GBF1: variants seen among roughly 807,000 people sequenced by gnomAD.
GBF1 encodes golgi brefeldin A resistant guanine nucleotide exchange factor 1, also known as Golgi-specific brefeldin A-resistance guanine nucleotide exchange factor 1.
A neutral mutation model predicts 210.5 loss-of-function variants in GBF1; 114 were observed. The ratio of observed to expected loss-of-function variants is 0.54; its 90% CI spans 0.47 to 0.63. GBF1 has a LOEUF of 0.63. GBF1 is among the 30% of genes least tolerant of loss of function. The pLI, the probability that GBF1 is intolerant of heterozygous loss-of-function variation, is 0.00. For missense variants in GBF1, 1,851 were observed against 2,357.7 expected (o/e 0.79, Z 4.45); for synonymous variants, 850 against 889.2 (o/e 0.96, Z 0.78).
At chr10:102,372,260 T>A (rs942944729) in intron 29 of GBF1, among the ~76,000 whole-genome samples, 25 of 150,940 alleles carry the variant, frequency 1.7e-4, no homozygotes, top group African/African-American at 5.9e-4. Context: ...CTCACGTCTG[T>A]AATCCCAACA....
chr10:102,380,335 C>T lies in GBF1; in HGVS notation c.4965C>T (p.Tyr1655=). Residue 1655 remains tyrosine, a synonymous_variant, in exon 37 of 40, where the codon TAC becomes TAT. Coordinates refer to ENST00000369983, the MANE Select transcript of GBF1 (RefSeq NM_001377137.1). ...CCATCTTGGACTTCATGGACAAGTA[C>T]ATGCACGCAGGCTCCAGCGACTTAC... The part of the protein sequence containing the change: ...WLTILDFMDK[Y]MHAGSSDLLS... 1 of 1,613,410 alleles carries T rather than the reference C, an allele frequency of 6.2e-7. No individual in the cohort carries two copies. The highest frequency in any genetic ancestry group is 8.5e-7 in the Non-Finnish European group (1 of 1,179,412).
chr10:102,301,976 T>C (rs1290674792), intron 3 of GBF1, among the ~76,000 whole-genome samples: 2 of 152,000 alleles, frequency 1.3e-5, no homozygotes, highest in Non-Finnish European at 1.5e-5. Flanking sequence ...CTGGGCAACA[T>C]TGAGCATTGA....
rs777552871 is a variant in GBF1, at chr10:102,362,571, G to C, written c.1783G>C (p.Ala595Pro). 1.2e-6 allele frequency: 2 copies of C among 1,614,094 alleles called. No individual in the cohort carries two copies. Among genetic ancestry groups the C allele is most frequent in the South Asian group, 1.1e-5 (1 of 91,082 alleles). ...TGACAGCACCGAGGCCCACTGCCAG[G>C]CTAAAGTCCTCAACAGCCTCACCCA... is the stretch of plus-strand genomic sequence containing the variant. Reference protein sequence around the residue: ...VIDSTEAHCQAKVLNSLTQQE... With the variant: ...VIDSTEAHCQPKVLNSLTQQE... The change falls in exon 15 of 40, where the codon GCT becomes CCT. Residue 595 changes from alanine to proline, a missense_variant. Coordinates refer to ENST00000369983, the MANE Select transcript of GBF1 (RefSeq NM_001377137.1).
chr10:102,233,466 G>T, the GBF1 span, among the ~76,000 whole-genome samples: 1 of 151,828 alleles, frequency 6.6e-6, no homozygotes, highest in Non-Finnish European at 1.5e-5. Context: ...CCCACGCCTG[G>T]CTAATTTTTG....
intron 30 of GBF1, 76 bp downstream of exon 30, chr10:102,375,660 C>T: frequency 1.1e-6 from 1 of 923,274 alleles, no homozygotes; most frequent in East Asian, 2.6e-5. Flanking sequence ...GAAAACAAAA[C>T]ACAGGTTACT....
rs867006242 is a variant in GBF1 at position 102,358,608 on chromosome 10, C to T, written c.890C>T (p.Ser297Phe). 2.5e-6 allele frequency: 4 copies of T among 1,613,380 alleles called. No individual in the cohort carries two copies. Among genetic ancestry groups the T allele is most frequent in the Admixed American group, 1.7e-5 (1 of 60,008 alleles). Residue 297 changes from serine to phenylalanine, a missense_variant, in exon 10 of 40, where the codon TCC becomes TTC. This residue lies in a region of GBF1 where 804 missense variants were observed against 958.6 expected (regional missense o/e 0.84). Transcript: ENST00000369983. ...SPSTDSGLEFSSQTTSKEDLT... is the reference protein window; with the variant it reads ...SPSTDSGLEFFSQTTSKEDLT... ...TCTACAGACAGTGGCCTGGAATTCTCCTCCCAAACCACTTCCAAGGAAGAC... is the reference window on the plus strand; with the variant it reads ...TCTACAGACAGTGGCCTGGAATTCTTCTCCCAAACCACTTCCAAGGAAGAC...
chr10:102,320,176 T>C (rs2056267786), intron 3 of GBF1, among the ~76,000 whole-genome samples: 1 of 152,192 alleles, frequency 6.6e-6, no homozygotes, highest in Non-Finnish European at 1.5e-5. Context: ...CTGACACTAA[T>C]TGAAGGTTTT....
At chr10:102,270,522 T>C (rs1211174934) in intron 3 of GBF1, among the ~76,000 whole-genome samples, 1 of 152,236 alleles carries the variant, frequency 6.6e-6, no homozygotes, top group Non-Finnish European at 1.5e-5. Context: ...ATTACCCATA[T>C]TTCACATTTA....
intron 3 of GBF1, among the ~76,000 whole-genome samples, chr10:102,306,301 G>T (rs1281128668): frequency 6.6e-6 from 1 of 152,154 alleles, no homozygotes; most frequent in Non-Finnish European, 1.5e-5. Flanking sequence ...TTCATTGAAG[G>T]TTTCTGAGCA....
chr10:102,275,656 C>A (rs1360181677), intron 3 of GBF1, among the ~76,000 whole-genome samples: 2 of 152,192 alleles, frequency 1.3e-5, no homozygotes, highest in Non-Finnish European at 2.9e-5. Flanking sequence ...GCAATTCTTT[C>A]TCCTTTGCCT....
At chr10:102,257,054 A>T (rs2072494187) in intron 1 of GBF1, among the ~76,000 whole-genome samples, 1 of 152,152 alleles carries the variant, frequency 6.6e-6, no homozygotes, top group Non-Finnish European at 1.5e-5. Flanking sequence ...ACCCCAAAAG[A>T]CAAAACGATT....
At chr10:102,306,935 A>G (rs185240279) in intron 3 of GBF1, among the ~76,000 whole-genome samples, 1 of 152,224 alleles carries the variant, frequency 6.6e-6, no homozygotes, top group African/African-American at 2.4e-5. Context: ...TTTGATGGCC[A>G]CATCATATTT....
intron 3 of GBF1, among the ~76,000 whole-genome samples, chr10:102,331,877 T>TTTTTTTTTTTTTTTTTTTTTG: frequency 7.0e-6 from 1 of 142,428 alleles, no homozygotes; most frequent in African/African-American, 2.7e-5. Context: ...TTTTTTTTTT[T>TTTTTTTTTTTTTTTTTTTTTG]GAGACAGCGT....
Position 102,366,677 on chromosome 10 carries a change from C to A in GBF1, c.2433+171C>A, listed in dbSNP as rs1025307229. Among the ~76,000 whole-genome samples the A allele has an allele frequency of 2.0e-5, 3 of 151,874 alleles. No homozygotes were observed. The highest frequency in any genetic ancestry group is 4.8e-5 in the African/African-American group (2 of 41,294). On this transcript the variant is annotated intron_variant, in intron 19 of 39. Transcript: ENST00000369983. This position sits in a 1 kb window ranked among gnomAD's most constrained non-coding sequence, Gnocchi z 4.0. ...TCTCAGCACACTGCAACCTCCACCC[C>A]CCGGGTTCAAGCAATTCTCCTGCCT... is the stretch of plus-strand genomic sequence containing the variant.
intron 3 of GBF1, among the ~76,000 whole-genome samples, chr10:102,272,683 T>C (rs1048752029): frequency 2.6e-5 from 4 of 152,252 alleles, no homozygotes; most frequent in African/African-American, 9.6e-5. Flanking sequence ...TGTAAAGAAC[T>C]ATTTTCCCTC....
chr10:102,311,177 C>G (rs549542477), intron 3 of GBF1, among the ~76,000 whole-genome samples: 1 of 152,176 alleles, frequency 6.6e-6, no homozygotes, highest in Admixed American at 6.5e-5. Context: ...TGTAAATACT[C>G]CTAGTCACTC....
intron 3 of GBF1, among the ~76,000 whole-genome samples, chr10:102,282,943 G>A (rs868311482): frequency 6.6e-5 from 10 of 152,122 alleles, no homozygotes; most frequent in African/African-American, 1.7e-4. Context: ...TGCTCTGTCC[G>A]GAGGGATGAG....
intron 3 of GBF1, among the ~76,000 whole-genome samples, chr10:102,341,125 A>C (rs1277847820): frequency 6.6e-6 from 1 of 152,246 alleles, no homozygotes; most frequent in East Asian, 1.9e-4. Flanking sequence ...AAAACAATTT[A>C]GTTTAATAAT....
chr10:102,270,900 A>G (rs1176621664), intron 3 of GBF1, among the ~76,000 whole-genome samples: 1 of 152,176 alleles, frequency 6.6e-6, no homozygotes, highest in Non-Finnish European at 1.5e-5. Context: ...TCACTGTGTC[A>G]CTTAGGGTGG....
Sources: gnomAD v4.1 joint callset for allele counts (sites outside exome capture counted in the v4.1 genomes callset) on GRCh38, gnomAD v4.1.1 for gene constraint, gnomAD v4.1.1 regional missense constraint, Gnocchi (gnomAD v3.1) non-coding constraint, MANE v1.5 for transcripts, NCBI Gene and HGNC (gene_info 2026-07-23, HGNC 2026-07-21) for gene names.